ACYP2: variants seen among roughly 807,000 people sequenced by gnomAD.
The protein encoded by ACYP2 is acylphosphatase 2.
A neutral mutation model predicts 11.2 loss-of-function variants in ACYP2; 12 were observed. The ratio of observed to expected loss-of-function variants is 1.08; its 90% CI spans 0.69 to 1.74. The LOEUF (loss-of-function observed/expected upper bound fraction) is 1.74. ACYP2 is among the 40% of genes most tolerant of loss of function. The probability of loss-of-function intolerance (pLI) is 0.00; values close to 1 mark genes in which losing one functional copy is unlikely to be tolerated. For synonymous variants in ACYP2, 43 were observed against 32.2 expected (o/e 1.33, Z -1.13); for missense variants, 134 against 101.9 (o/e 1.31, Z -1.35).
chr2:54,209,704 C>T (rs1685246069), intron 6 of ACYP2, among the ~76,000 whole-genome samples: 1 of 152,118 alleles, frequency 6.6e-6, no homozygotes, highest in Non-Finnish European at 1.5e-5. Flanking sequence ...AGTATAGAGA[C>T]TGTTAAAAAA....
chr2:54,257,561 A>T lies in ACYP2; in HGVS notation c.405-47127A>T, dbSNP rs930826426. ...TCATGAAAAATAATTTGAGAAATAT[A>T]TAAAAGACCAATAGAATTAGGCCAA... is the stretch of plus-strand genomic sequence containing the variant. On this transcript the variant is annotated intron_variant, in intron 6 of 6. Coordinates refer to ENST00000607452, the MANE Select transcript of ACYP2 (RefSeq NM_001320586.2). Among the ~76,000 whole-genome samples, 20 of 152,248 alleles carry T rather than the reference A, an allele frequency of 1.3e-4. 2 individuals are homozygous for T. Among genetic ancestry groups the T allele is most frequent in the Admixed American group, 1.3e-3 (20 of 15,290 alleles).
chr2:54,019,381 A>C, intron 2 of ACYP2, among the ~76,000 whole-genome samples: 1 of 150,098 alleles, frequency 6.7e-6, no homozygotes, highest in Non-Finnish European at 1.5e-5. Flanking sequence ...CTTTATTTTA[A>C]TTTTATTTTT....
chr2:54,140,244 G>A (rs767723849), intron 6 of ACYP2, among the ~76,000 whole-genome samples: 2 of 152,106 alleles, frequency 1.3e-5, no homozygotes, highest in Non-Finnish European at 2.9e-5. Flanking sequence ...AAGTTTTAAA[G>A]TAGAGATTAT....
chr2:54,244,650 T>A (rs746148273), intron 6 of ACYP2, among the ~76,000 whole-genome samples: 10 of 152,236 alleles, frequency 6.6e-5, no homozygotes, highest in Non-Finnish European at 1.0e-4. Flanking sequence ...CTATTGTAGC[T>A]TTATATTATT....
At chr2:54,261,229 C>G (rs1687762152) in intron 6 of ACYP2, among the ~76,000 whole-genome samples, 1 of 151,842 alleles carries the variant, frequency 6.6e-6, no homozygotes, top group African/African-American at 2.4e-5. Context: ...AAGGCATGGA[C>G]TAGAAACAGT....
intron 4 of ACYP2, among the ~76,000 whole-genome samples, chr2:54,121,864 C>T (rs1680178495): frequency 1.3e-5 from 2 of 152,150 alleles, no homozygotes; most frequent in African/African-American, 4.8e-5. Context: ...TTTTCATATC[C>T]CCTACACGGC....
intron 6 of ACYP2, among the ~76,000 whole-genome samples, chr2:54,263,538 C>T (rs1036955865): frequency 5.3e-5 from 8 of 152,138 alleles, no homozygotes; most frequent in African/African-American, 1.7e-4. Flanking sequence ...ATGGGAGGAT[C>T]GCTTGAGCCC....
At chr2:54,194,446 A>G (rs1684368647) in intron 6 of ACYP2, among the ~76,000 whole-genome samples, 1 of 152,176 alleles carries the variant, frequency 6.6e-6, no homozygotes, top group African/African-American at 2.4e-5. Flanking sequence ...GCATACTTTT[A>G]TTGAGTTAAA....
intron 6 of ACYP2, among the ~76,000 whole-genome samples, chr2:54,240,187 C>T (rs1054431486): frequency 1.3e-5 from 2 of 152,102 alleles, no homozygotes; most frequent in African/African-American, 4.8e-5. Context: ...GAGTCTGTAG[C>T]TTAGATGGGG....
chr2:54,279,929 T>C (rs1688771145), intron 6 of ACYP2, among the ~76,000 whole-genome samples: 1 of 152,210 alleles, frequency 6.6e-6, no homozygotes, highest in Non-Finnish European at 1.5e-5. Flanking sequence ...GTTTGTTAAA[T>C]GCTTTGGATT....
chr2:54,014,723 TAA>T (rs944781129), intron 2 of ACYP2, among the ~76,000 whole-genome samples: 45 of 147,238 alleles, frequency 3.1e-4, no homozygotes, highest in African/African-American at 1.0e-3. Context: ...AATAAATTTG[TAA>T]AAAAAAAATT....
chr2:53,994,329 C>CA (rs374302355), intron 2 of ACYP2, among the ~76,000 whole-genome samples: 2,657 of 42,578 alleles, frequency 0.062, 127 homozygotes, highest in East Asian at 0.17. Flanking sequence ...GACTCCGTCT[C>CA]AAAAAAAAAA....
chr2:54,150,118 C>T (rs757434040), intron 6 of ACYP2, among the ~76,000 whole-genome samples: 3 of 152,170 alleles, frequency 2.0e-5, no homozygotes, highest in African/African-American at 4.8e-5. Flanking sequence ...TGGCAACCCA[C>T]GGCCTGTTTT....
intron 2 of ACYP2, among the ~76,000 whole-genome samples, chr2:54,033,231 G>A (rs550098473): frequency 4.0e-5 from 6 of 148,744 alleles, no homozygotes; most frequent in Non-Finnish European, 5.9e-5. Context: ...AGGGTCTTGC[G>A]TTGTTGTCCA....
intron 6 of ACYP2, among the ~76,000 whole-genome samples, chr2:54,206,823 G>A (rs951337364): frequency 6.6e-6 from 1 of 152,148 alleles, no homozygotes; most frequent in African/African-American, 2.4e-5. Flanking sequence ...GGGAACTTTC[G>A]TGGGTTCCAT....
At chr2:54,166,885 C>T (rs1682998635) in intron 6 of ACYP2, 1 of 152,290 alleles carries the variant, frequency 6.6e-6, no homozygotes, top group Middle Eastern at 3.4e-3. Context: ...AGGAGGGCAG[C>T]AGGCAGGCCC....
At chr2:53,995,473 A>T (rs930721324) in intron 2 of ACYP2, among the ~76,000 whole-genome samples, 3 of 141,744 alleles carry the variant, frequency 2.1e-5, no homozygotes, top group Non-Finnish European at 4.5e-5. Flanking sequence ...ATTATTTTTT[A>T]TTTATTTATT....
At chr2:54,190,552 C>T (rs1684198425) in intron 6 of ACYP2, among the ~76,000 whole-genome samples, 2 of 152,030 alleles carry the variant, frequency 1.3e-5, no homozygotes, top group South Asian at 2.1e-4. Context: ...CCTCTCTCTT[C>T]TCCTTGGCTG....
At chr2:54,126,080 C>CA (rs936928430) in intron 4 of ACYP2, among the ~76,000 whole-genome samples, 10 of 150,668 alleles carry the variant, frequency 6.6e-5, no homozygotes, top group African/African-American at 2.2e-4. Context: ...GACTCCGACT[C>CA]AAAAAAAATA....
Sources: allele counts gnomAD v4.1 joint callset (sites outside exome capture counted in the v4.1 genomes callset), GRCh38; gene constraint gnomAD v4.1.1; transcripts MANE v1.5; gene names NCBI Gene and HGNC (gene_info 2026-07-23, HGNC 2026-07-21).